The following MYBPHL variants were observed in gnomAD, a reference collection of about 807,000 sequenced individuals.
The protein encoded by MYBPHL is myosin binding protein H like.
Under a neutral mutation model 39.5 loss-of-function variants are expected in MYBPHL, and 32 were observed. The observed-to-expected ratio is 0.81, with a 90% CI of 0.61 to 1.09. The LOEUF is 1.09. Ranked by LOEUF, MYBPHL falls within the 50% of genes least tolerant of loss-of-function variation. The pLI is 0.00. For missense variants in MYBPHL, 456 were observed against 460.2 expected, an observed-to-expected ratio of 0.99 and a Z score of 0.08; for synonymous variants, 196 against 183.7, an observed-to-expected ratio of 1.07 and a Z score of -0.54.
At position 109,298,261 on chromosome 1, in the gene MYBPHL, A is replaced by G. The variant is rs747831676; in HGVS notation, c.146-4T>C. 6.2e-7 allele frequency: 1 copy of G among 1,608,248 alleles called. No homozygotes were observed. The highest frequency in any genetic ancestry group is 1.7e-5 in the Admixed American group (1 of 59,074). On this transcript the variant is annotated splice_polypyrimidine_tract_variant and splice_region_variant and intron_variant, in intron 1 of 8. Transcript: ENST00000357155. Reference sequence around the variant, plus strand: ...GGTAGCCAGATCTTGGGGTGCTCTGAGTGATGGAAAGAGAGAGAATAGGAG... The same window carrying G: ...GGTAGCCAGATCTTGGGGTGCTCTGGGTGATGGAAAGAGAGAGAATAGGAG...
chr1:109,296,830 C>T lies in MYBPHL; in HGVS notation c.683G>A (p.Ser228Asn). Residue 228 changes from serine to asparagine, a missense_variant, in exon 5 of 9, where the codon AGT (serine) becomes AAT (asparagine). Coordinates refer to ENST00000357155, the MANE Select transcript of MYBPHL (RefSeq NM_001010985.3). ...RVFAENQCGL[S>N]ETAPITTDLA... is the part of the protein sequence containing the mutation. ...GTCCGTAGTGATGGGGGCTGTTTCACTGAGTCCGCACTGGTTTTCAGCAAA... is the reference window on the plus strand; with the variant it reads ...GTCCGTAGTGATGGGGGCTGTTTCATTGAGTCCGCACTGGTTTTCAGCAAA... The T allele has an allele frequency of 3.7e-6, 6 of 1,614,178 alleles. No homozygotes were observed. The highest frequency in any genetic ancestry group is 5.1e-6 in the Non-Finnish European group (6 of 1,180,022).
rs758915986 is a variant in MYBPHL at position 109,295,054 on chromosome 1, C to T, written c.1054+57G>A. The stretch of plus-strand genomic sequence containing the variant: ...CGTCTCTGTTCCCTGACTCTTCCAC[C>T]GGTGGAGAGAGGAGGTGACTGGCAC... On this transcript the variant is annotated intron_variant, in intron 7 of 8. Coordinates refer to ENST00000357155, the MANE Select transcript of MYBPHL (RefSeq NM_001010985.3). 1.3e-5 allele frequency: 20 copies of T among 1,575,236 alleles called. No individual in the cohort carries two copies. The African/African-American group carries it at 2.0e-4, about 16-fold the overall frequency.
chr1:109,296,161 C>G, intron 6 of MYBPHL, 73 bp downstream of exon 6: 1 of 1,564,110 alleles, frequency 6.4e-7, no homozygotes, highest in Non-Finnish European at 8.7e-7. Context: ...CAGTGCTCTG[C>G]AACTCAGCTT....
intron 7 of MYBPHL, among the ~76,000 whole-genome samples, chr1:109,294,531 T>G (rs1361038605): frequency 6.6e-6 from 1 of 152,030 alleles, no homozygotes; most frequent in Non-Finnish European, 1.5e-5. Context: ...TGCTTATAAT[T>G]TAATAGGGAA....
At chr1:109,301,702 T>C (rs1424647677) in intron 1 of MYBPHL, among the ~76,000 whole-genome samples, 4 of 151,190 alleles carry the variant, frequency 2.6e-5, no homozygotes, top group Non-Finnish European at 5.9e-5. Flanking sequence ...GATTGCACCA[T>C]TGCGCTCCAG....
At chr1:109,295,882 G>C (rs630822) in intron 6 of MYBPHL, among the ~76,000 whole-genome samples, 147,763 of 152,302 alleles carry the variant, frequency 0.97, 71,836 homozygotes, top group East Asian at 1. Flanking sequence ...CTCTAGGCAG[G>C]TTGCATGTGC....
At chr1:109,304,483 C>T (rs1431132274) in intron 1 of MYBPHL, among the ~76,000 whole-genome samples, 2 of 152,198 alleles carry the variant, frequency 1.3e-5, no homozygotes, top group Non-Finnish European at 2.9e-5. Context: ...CGCCTCTTTG[C>T]TGAGAGGCAC....
intron 8 of MYBPHL, among the ~76,000 whole-genome samples, chr1:109,293,925 A>G (rs1225435913): frequency 6.7e-6 from 1 of 148,688 alleles, no homozygotes; most frequent in Admixed American, 6.7e-5. Context: ...TTAGCCGGGC[A>G]TGGTGGCGGG....
rs1411478013 is a variant in MYBPHL at position 109,298,198 on chromosome 1, C to T, written c.205G>A (p.Asp69Asn). 2 of 1,610,052 alleles carry T rather than the reference C, an allele frequency of 1.2e-6. No homozygotes were observed. Among genetic ancestry groups the T allele is most frequent in the African/African-American group, 1.3e-5 (1 of 74,656 alleles). ...AATGGGATTAGTAGGTTCACTGTGT[C>T]CCCAACCTTCCGGATGTAGGTCTGC... is the stretch of plus-strand genomic sequence containing the variant. ...LRQTYIRKVG[D>N]TVNLLIPFQG... Residue 69 changes from aspartate to asparagine, a missense_variant, in exon 2 of 9, where the codon GAC (aspartate) becomes AAC (asparagine). Transcript: ENST00000357155.
At chr1:109,301,188 G>T (rs535024515) in intron 1 of MYBPHL, among the ~76,000 whole-genome samples, 2 of 152,362 alleles carry the variant, frequency 1.3e-5, no homozygotes, top group East Asian at 1.9e-4. Flanking sequence ...GGGAGGCATG[G>T]CTTCCCCTGA....
At chr1:109,306,742 T>C in intron 1 of MYBPHL, 105 bp downstream of exon 1, 2 of 970,332 alleles carry the variant, frequency 2.1e-6, no homozygotes, top group Non-Finnish European at 2.9e-6. Context: ...TCCTATAGAG[T>C]CTTTAGCTCT....
chr1:109,293,727 G>A (rs1056269220), intron 8 of MYBPHL, among the ~76,000 whole-genome samples: 5 of 142,242 alleles, frequency 3.5e-5, no homozygotes, highest in East Asian at 2.2e-4. Context: ...GCGACAAAGC[G>A]AGACTCTGTC....
At chr1:109,304,643 C>T (rs895415303) in intron 1 of MYBPHL, among the ~76,000 whole-genome samples, 12 of 152,212 alleles carry the variant, frequency 7.9e-5, no homozygotes, top group South Asian at 2.1e-4. Flanking sequence ...AGCAGGAGGC[C>T]GAGTGTCACA....
Position 109,301,106 on chromosome 1 carries a change from C to T in MYBPHL, c.146-2849G>A, listed in dbSNP as rs540258811. Among the ~76,000 whole-genome samples, 21 of 152,306 alleles carry T rather than the reference C, an allele frequency of 1.4e-4. No individual in the cohort carries two copies. The South Asian group carries it at 2.7e-3, about 20-fold the overall frequency. On this transcript the variant is annotated intron_variant, in intron 1 of 8. Coordinates refer to ENST00000357155, the MANE Select transcript of MYBPHL (RefSeq NM_001010985.3). ...TCTGACTCTTTGCTAAGAATGTGAACGCCGGGGCTCATTTGAGGCATCTCT... is the reference window on the plus strand; with the variant it reads ...TCTGACTCTTTGCTAAGAATGTGAATGCCGGGGCTCATTTGAGGCATCTCT...
chr1:109,298,972 T>A (rs1247212287), intron 1 of MYBPHL, among the ~76,000 whole-genome samples: 1 of 152,198 alleles, frequency 6.6e-6, no homozygotes, highest in African/African-American at 2.4e-5. Flanking sequence ...GATTAGATGA[T>A]GTGTATGGGC....
In MYBPHL at chr1:109,296,805, GT is replaced by G; in HGVS notation, c.707del (p.Asp236AlafsTer60). The G allele has an allele frequency of 6.2e-7, 1 of 1,614,132 alleles. No homozygotes were observed. The highest frequency in any genetic ancestry group is 8.5e-7 in the Non-Finnish European group (1 of 1,180,022). On this transcript the variant is annotated frameshift_variant, in exon 5 of 9. Transcript: ENST00000357155. LOFTEE classifies it high-confidence loss of function. ...GLSETAPITT[D>X]LAHIQKAATV... ...TACCTGCTTTCTGGATGTGGGCGAG[GT>G]CCGTAGTGATGGGGGCTGTTTCACT...
Position 109,296,838 on chromosome 1 carries a change from G to T in MYBPHL, c.675C>A (p.Cys225Ter). The change falls in exon 5 of 9, where the codon TGC becomes TGA. Residue 225 changes from cysteine (C) to a stop codon, truncating the protein, a stop_gained. Transcript: ENST00000357155. LOFTEE classifies it high-confidence loss of function. ...YAFRVFAENQ[C>*]GLSETAPITT... ...TGATGGGGGCTGTTTCACTGAGTCC[G>T]CACTGGTTTTCAGCAAAGACACGGA... The T allele has an allele frequency of 1.2e-6, 2 of 1,614,136 alleles. No individual in the cohort carries two copies. The highest frequency in any genetic ancestry group is 2.2e-5 in the South Asian group (2 of 91,078).
intron 1 of MYBPHL, among the ~76,000 whole-genome samples, chr1:109,305,654 A>G (rs1658442661): frequency 6.6e-6 from 1 of 152,212 alleles, no homozygotes; most frequent in Admixed American, 6.5e-5. Context: ...CCATCACCCC[A>G]GCTTAATATA....
chr1:109,295,021 T>A, intron 7 of MYBPHL, 90 bp downstream of exon 7: 1 of 1,366,288 alleles, frequency 7.3e-7, no homozygotes, highest in Non-Finnish European at 1.0e-6. Context: ...CTTCTCCCCC[T>A]AGGCTTGCGT....
Sources: gnomAD v4.1 joint callset for allele counts (sites outside exome capture counted in the v4.1 genomes callset) on GRCh38, gnomAD v4.1.1 for gene constraint, MANE v1.5 for transcripts, NCBI Gene and HGNC (gene_info 2026-07-23, HGNC 2026-07-21) for gene names.